Variants in ENOX1 observed in about 807,000 individuals in gnomAD.
ENOX1 encodes the protein ecto-NOX disulfide-thiol exchanger 1, also known as candidate growth-related and time keeping constitutive hydroquinone (NADH) oxidase.
A neutral mutation model predicts 82.5 loss-of-function variants in ENOX1; 42 were observed. The observed-to-expected ratio is 0.51, with a 90% CI of 0.40 to 0.66. The LOEUF (loss-of-function observed/expected upper bound fraction) is 0.66, where lower values mean the gene tolerates loss of function less well. Among genes scored for constraint, ENOX1 ranks in the 30% least tolerant of loss-of-function variants. The probability of loss-of-function intolerance (pLI) is 0.00; values close to 1 mark genes in which losing one functional copy is unlikely to be tolerated. For missense variants in ENOX1, 608 were observed against 811.6 expected, an observed-to-expected ratio of 0.75 and a Z score of 3.05; for synonymous variants, 271 against 282.2, an observed-to-expected ratio of 0.96 and a Z score of 0.40.
intron 2 of ENOX1, among the ~76,000 whole-genome samples, chr13:43,551,693 C>T (rs752004892): frequency 3.9e-5 from 6 of 152,096 alleles, no homozygotes; most frequent in South Asian, 2.1e-4. Context: ...AAATTTCACC[C>T]GATCATGATG....
intron 1 of ENOX1, among the ~76,000 whole-genome samples, chr13:43,720,642 T>C (rs2088505976): frequency 1.3e-5 from 2 of 152,178 alleles, no homozygotes; most frequent in Non-Finnish European, 2.9e-5. Flanking sequence ...AACTTTATTT[T>C]TGAACTTGTG....
chr13:43,624,315 G>C (rs1042921528), intron 2 of ENOX1, among the ~76,000 whole-genome samples: 3 of 151,688 alleles, frequency 2.0e-5, no homozygotes, highest in South Asian at 2.1e-4. Flanking sequence ...TATATTCTAG[G>C]GTACTAGTCC....
chr13:43,265,300 G>A, intron 14 of ENOX1, 98 bp downstream of exon 14: 1 of 1,012,632 alleles, frequency 9.9e-7, no homozygotes, highest in Non-Finnish European at 1.5e-6. Flanking sequence ...GACAGGCAGA[G>A]CTTCTGATTT....
chr13:43,696,933 C>T (rs1300377356), intron 1 of ENOX1, among the ~76,000 whole-genome samples: 3 of 151,706 alleles, frequency 2.0e-5, no homozygotes, highest in Non-Finnish European at 4.4e-5. Context: ...GGAGTTGCAT[C>T]TCAGGCAGAG....
chr13:43,423,575 G>A (rs1180326014), intron 3 of ENOX1, among the ~76,000 whole-genome samples: 1 of 152,188 alleles, frequency 6.6e-6, no homozygotes, highest in East Asian at 1.9e-4. Context: ...CTAGTGATGG[G>A]TGTGGCAGCT....
chr13:43,557,854 A>C (rs1371502731), intron 2 of ENOX1, among the ~76,000 whole-genome samples: 2 of 152,172 alleles, frequency 1.3e-5, no homozygotes, highest in African/African-American at 2.4e-5. Flanking sequence ...TACAAAAAAA[A>C]CCTCAATAAT....
At chr13:43,763,616 C>A (rs1310497799) in intron 1 of ENOX1, among the ~76,000 whole-genome samples, 2 of 152,162 alleles carry the variant, frequency 1.3e-5, no homozygotes, top group Non-Finnish European at 2.9e-5. Flanking sequence ...CTCAGTTCAA[C>A]CCTCAAGCCT....
chr13:43,786,699 G>A lies in ENOX1; in HGVS notation c.-332C>T, dbSNP rs1173018416. On this transcript the variant is annotated 5_prime_UTR_variant, in exon 1 of 17. Coordinates refer to ENST00000690772, the MANE Select transcript of ENOX1 (RefSeq NM_001347969.2). The surrounding 1 kb of genome is among the most constrained non-coding windows in gnomAD (Gnocchi z 6.0). ...GGAGGCAACCCGCTGCGCGGAGTGG[G>A]GCGCCGGGCGCGGCGCGGCTCCTCC... is the stretch of plus-strand genomic sequence containing the variant. 1 of 151,788 alleles carries A rather than the reference G, an allele frequency of 6.6e-6. No individual in the cohort carries two copies. The highest frequency in any genetic ancestry group is 1.5e-5 in the Non-Finnish European group (1 of 68,082). 9.4% of individuals were successfully genotyped at this position (151,788 alleles called of 1,614,324 possible). A position where few individuals can be genotyped will look rare whatever the true frequency, so the allele number is the denominator to read the frequency against.
At chr13:43,641,990 G>A (rs76690796) in intron 2 of ENOX1, among the ~76,000 whole-genome samples, 1,851 of 152,140 alleles carry the variant, frequency 0.012, 41 homozygotes, top group African/African-American at 0.042. Context: ...TACTTACTAC[G>A]TAACACTCAC....
At chr13:43,271,276 C>A (rs753645205) in intron 12 of ENOX1, among the ~76,000 whole-genome samples, 1 of 152,148 alleles carries the variant, frequency 6.6e-6, no homozygotes, top group Non-Finnish European at 1.5e-5. Context: ...TCTGTATCAT[C>A]AGACACTATG....
intron 1 of ENOX1, among the ~76,000 whole-genome samples, chr13:43,675,360 G>A (rs1196863671): frequency 1.3e-5 from 2 of 152,158 alleles, no homozygotes; most frequent in Non-Finnish European, 2.9e-5. Flanking sequence ...GAAAACCCTA[G>A]CTACAAAGAC....
At chr13:43,362,917 ATT>A (rs10709661) in intron 5 of ENOX1, among the ~76,000 whole-genome samples, 1 of 151,702 alleles carries the variant, frequency 6.6e-6, no homozygotes, top group African/African-American at 2.4e-5. Flanking sequence ...TAAAAGGAGG[ATT>A]TTTTTTTAAA....
At chr13:43,540,023 G>A (rs1178213265) in intron 2 of ENOX1, among the ~76,000 whole-genome samples, 2 of 151,932 alleles carry the variant, frequency 1.3e-5, no homozygotes, top group Non-Finnish European at 2.9e-5. Context: ...TGTATATTTT[G>A]ACTTTCAACC....
At chr13:43,446,586 C>G (rs1018807416) in intron 3 of ENOX1, among the ~76,000 whole-genome samples, 1 of 152,248 alleles carries the variant, frequency 6.6e-6, no homozygotes, top group Non-Finnish European at 1.5e-5. Context: ...CTGGCTACCT[C>G]TCTATGCCCT....
chr13:43,632,144 T>C (rs1455537123), intron 2 of ENOX1, among the ~76,000 whole-genome samples: 2 of 152,314 alleles, frequency 1.3e-5, no homozygotes, highest in East Asian at 3.9e-4. Flanking sequence ...GCCCTTTAAG[T>C]ACTGATTATA....
At chr13:43,732,108 G>GC (rs2089380938) in intron 1 of ENOX1, among the ~76,000 whole-genome samples, 1 of 152,184 alleles carries the variant, frequency 6.6e-6, no homozygotes, top group Admixed American at 6.5e-5. Context: ...ACACTACCAA[G>GC]CCTGCCTGAT....
intron 7 of ENOX1, among the ~76,000 whole-genome samples, chr13:43,359,257 G>T (rs557510070): frequency 6.6e-6 from 1 of 152,336 alleles, no homozygotes; most frequent in East Asian, 1.9e-4. Flanking sequence ...TTTGGCAAAG[G>T]CCTTGCGGAC....
chr13:43,767,959 G>C (rs7988769), intron 1 of ENOX1, among the ~76,000 whole-genome samples: 1,796 of 152,310 alleles, frequency 0.012, 23 homozygotes, highest in African/African-American at 0.035. Context: ...AGAGAGTCGG[G>C]GGGGAGCGGA....
chr13:43,223,317 C>G (rs997770530), intron 16 of ENOX1, among the ~76,000 whole-genome samples: 1 of 152,208 alleles, frequency 6.6e-6, no homozygotes, highest in Admixed American at 6.5e-5. Flanking sequence ...GTGTCCACCC[C>G]GCTCCTGGGC....
Sources: gnomAD v4.1 joint callset for allele counts (sites outside exome capture counted in the v4.1 genomes callset) on GRCh38, gnomAD v4.1.1 for gene constraint, Gnocchi (gnomAD v3.1) non-coding constraint, MANE v1.5 for transcripts, NCBI Gene and HGNC (gene_info 2026-07-23, HGNC 2026-07-21) for gene names.